Variants in BPIFA1 observed in about 807,000 individuals in gnomAD.
BPIFA1 encodes the protein BPI fold-containing family A member 1.
A neutral mutation model predicts 25.1 loss-of-function variants in BPIFA1; 24 were observed. The ratio of observed to expected loss-of-function variants is 0.96; its 90% CI spans 0.69 to 1.35. The LOEUF (loss-of-function observed/expected upper bound fraction) is 1.35. BPIFA1 is among the 40% of genes most tolerant of loss of function. The pLI is 0.00. For missense variants in BPIFA1, 344 were observed against 303.7 expected (o/e 1.13, Z -0.99); for synonymous variants, 139 against 131.8 (o/e 1.05, Z -0.37).
At chr20:33,240,524 G>A (rs999683740) in intron 5 of BPIFA1, 139 bp downstream of exon 5, 23 of 1,039,816 alleles carry the variant, frequency 2.2e-5, no homozygotes, top group South Asian at 6.3e-5. Flanking sequence ...AGGAGGGAGC[G>A]TGGAAAGATG....
In BPIFA1 at chr20:33,240,255, T is replaced by C. The variant is rs750288922; in HGVS notation, c.451T>C (p.Leu151=). The C allele has an allele frequency of 1.2e-6, 2 of 1,614,128 alleles. No individual in the cohort carries two copies. Among genetic ancestry groups the C allele is most frequent in the Admixed American group, 1.7e-5 (1 of 60,022 alleles). The stretch of plus-strand genomic sequence containing the variant: ...CAGGCCCCTGGTCGGTGCAAGTCTG[T>C]TGAGGCTGGCTGTGAAGCTGGACAT... ...VNTPLVGASL[L]RLAVKLDITA... is the part of the protein sequence containing the mutation. The change falls in exon 5 of 9, where the codon TTG becomes CTG. Residue 151 remains leucine, a synonymous_variant. Transcript: ENST00000354297.
At chr20:33,242,226 A>T in intron 7 of BPIFA1, 107 bp downstream of exon 7, 1 of 1,212,470 alleles carries the variant, frequency 8.2e-7, no homozygotes, top group Non-Finnish European at 1.2e-6. Context: ...TCTGGCCTCA[A>T]CTCTCTCTAT....
chr20:33,240,591 G>C (rs1978918046), intron 5 of BPIFA1, among the ~76,000 whole-genome samples: 1 of 151,866 alleles, frequency 6.6e-6, no homozygotes, highest in Non-Finnish European at 1.5e-5. Context: ...CAGATGGTTA[G>C]ATGGTTGGGT....
At chr20:33,242,363 T>A (rs1600642782) in intron 7 of BPIFA1, 124 bp from the exon 8 acceptor site, 2 of 1,246,606 alleles carry the variant, frequency 1.6e-6, no homozygotes, top group African/African-American at 3.0e-5. Context: ...CCTCCAAGCA[T>A]GCTGAACACA....
At chr20:33,237,420 T>C (rs183694430) in intron 1 of BPIFA1, among the ~76,000 whole-genome samples, 1 of 152,130 alleles carries the variant, frequency 6.6e-6, no homozygotes, top group East Asian at 1.9e-4. Flanking sequence ...TGTGGTGGAG[T>C]GGGGCTGTCT....
rs1466774084 is a variant in BPIFA1, at chr20:33,242,231, C to G, written c.730+112C>G. 3.4e-6 allele frequency: 4 copies of G among 1,185,002 alleles called. No homozygotes were observed. In the Admixed American group the frequency reaches 7.5e-5, roughly 22 times the overall value. 73.4% of individuals were successfully genotyped at this position (1,185,002 alleles called of 1,614,324 possible). A position where few individuals can be genotyped will look rare whatever the true frequency, so the allele number is the denominator to read the frequency against. On this transcript the variant is annotated intron_variant, in intron 7 of 8. Coordinates refer to ENST00000354297, the MANE Select transcript of BPIFA1 (RefSeq NM_130852.3). ...ACTAGGTCCCTCTGGCCTCAACTCT[C>G]TCTATTTTGGGCTTCATTTTCCCCC...
Position 33,241,329 on chromosome 20 carries a change from A to G in BPIFA1, c.582-56A>G. 5 of 1,515,948 alleles carry G rather than the reference A, an allele frequency of 3.3e-6. No homozygotes were observed. The South Asian group carries it at 5.6e-5, about 17-fold the overall frequency. The allele number at this position is 1,515,948 out of a possible 1,614,324, so 93.9% of individuals were successfully genotyped here. A position where few individuals can be genotyped will look rare whatever the true frequency, so the allele number is the denominator to read the frequency against. On this transcript the variant is annotated intron_variant, in intron 5 of 8. Coordinates refer to ENST00000354297, the MANE Select transcript of BPIFA1 (RefSeq NM_130852.3). ...TGGGGTTCACAGTGGCCCCCTCTGG[A>G]GACTTCTCCACACCATCTCCAGGTC...
chr20:33,239,988 G>A (rs924415963), intron 4 of BPIFA1, 78 bp downstream of exon 4: 2 of 1,474,992 alleles, frequency 1.4e-6, no homozygotes, highest in Admixed American at 1.7e-5. Flanking sequence ...CATAACGGGG[G>A]TATTGGAGTC....
At chr20:33,240,530 A>AGATG (rs10677320) in intron 5 of BPIFA1, 145 bp downstream of exon 5, 164,020 of 748,066 alleles carry the variant, frequency 0.22, 22,465 homozygotes, top group Admixed American at 0.32. Flanking sequence ...GAGCGTGGAA[A>AGATG]GATGGATGGA....
At position 33,237,711 on chromosome 20, in the gene BPIFA1, G is replaced by C. The variant is rs768913833; in HGVS notation, c.-1G>C. 1 of 1,459,916 alleles carries C rather than the reference G, an allele frequency of 6.8e-7. No individual in the cohort carries two copies. Among genetic ancestry groups the C allele is most frequent in the South Asian group, 1.6e-5 (1 of 63,510 alleles). The allele number at this position is 1,459,916 out of a possible 1,614,324, so 90.4% of individuals were successfully genotyped here. A position where few individuals can be genotyped will look rare whatever the true frequency, so the allele number is the denominator to read the frequency against. On this transcript the variant is annotated 5_prime_UTR_variant, in exon 2 of 9. Transcript: ENST00000354297. ...TCTGGCCACAGATACTAAGAGCAAA[G>C]ATGTTTCAAACTGGGGGCCTCATTG...
Position 33,241,493 on chromosome 20 carries a change from C to A in BPIFA1, c.666+24C>A, listed in dbSNP as rs200092852. The A allele has an allele frequency of 3.5e-5, 56 of 1,584,930 alleles. No individual in the cohort carries two copies. The East Asian group carries it at 5.4e-4, about 15-fold the overall frequency. On this transcript the variant is annotated intron_variant, in intron 6 of 8. Coordinates refer to ENST00000354297, the MANE Select transcript of BPIFA1 (RefSeq NM_130852.3). ...ACGTAAGTAGGCAAGGTGGGGATCCCCTGATCCTCAGGTTTTAGAGCTTCT... is the reference window on the plus strand; with the variant it reads ...ACGTAAGTAGGCAAGGTGGGGATCCACTGATCCTCAGGTTTTAGAGCTTCT...
chr20:33,239,498 G>A (rs1978852213), intron 3 of BPIFA1, among the ~76,000 whole-genome samples: 1 of 152,184 alleles, frequency 6.6e-6, no homozygotes, highest in African/African-American at 2.4e-5. Context: ...TTCTTTGTAA[G>A]GCTCTTAGCT....
chr20:33,239,991 T>C, intron 4 of BPIFA1, 81 bp downstream of exon 4: 5 of 1,471,620 alleles, frequency 3.4e-6, no homozygotes, highest in Non-Finnish European at 4.7e-6. Flanking sequence ...AACGGGGGTA[T>C]TGGAGTCTAA....
intron 3 of BPIFA1, 42 bp downstream of exon 3, chr20:33,238,256 C>T: frequency 1.3e-6 from 2 of 1,571,022 alleles, no homozygotes; most frequent in Non-Finnish European, 1.7e-6. Context: ...CACCAGGGAA[C>T]CCCAGGTGAA....
At chr20:33,238,348 A>G in intron 3 of BPIFA1, 134 bp downstream of exon 3, 1 of 1,069,792 alleles carries the variant, frequency 9.3e-7, no homozygotes, top group Non-Finnish European at 1.3e-6. Context: ...GCCAGGACTC[A>G]GTTCTGAGAC....
chr20:33,238,027 C>T (rs556710653), intron 2 of BPIFA1, 28 bp from the exon 3 acceptor site: 1 of 1,598,236 alleles, frequency 6.3e-7, no homozygotes, highest in African/African-American at 1.3e-5. Context: ...CAGATCTGAC[C>T]CCCAGAGACC....
In BPIFA1 at chr20:33,237,891, T is replaced by C; in HGVS notation, c.160+20T>C. ...CAAATGGTGAGTTTTCAGGGGTGTA[T>C]GTGTGCATGTGTGTGTGTGTGTGTG... On this transcript the variant is annotated intron_variant, in intron 2 of 8. Transcript: ENST00000354297. 2 of 1,515,608 alleles carry C rather than the reference T, an allele frequency of 1.3e-6. No individual in the cohort carries two copies. The allele number at this position is 1,515,608 out of a possible 1,614,324, so 93.9% of individuals were successfully genotyped here. A position where few individuals can be genotyped will look rare whatever the true frequency, so the allele number is the denominator to read the frequency against.
Position 33,239,843 on chromosome 20 carries a change from G to T in BPIFA1, c.361G>T (p.Val121Leu). The T allele has an allele frequency of 6.2e-7, 1 of 1,614,212 alleles. No homozygotes were observed. Among genetic ancestry groups the T allele is most frequent in the South Asian group, 1.1e-5 (1 of 91,082 alleles). The change falls in exon 4 of 9, where the codon GTG (valine) becomes TTG (leucine). Residue 121 changes from valine (V) to leucine (L), a missense_variant. Physicochemically the swap from Val to Leu is conservative, Grantham distance 32 (BLOSUM62 1). Coordinates refer to ENST00000354297, the MANE Select transcript of BPIFA1 (RefSeq NM_130852.3). ...TDPQLLELGLVQSPDGHRLYV... is the reference protein window; with the variant it reads ...TDPQLLELGLLQSPDGHRLYV... Reference sequence around the variant, plus strand: ...CCCCCAGCTGCTGGAACTTGGCCTTGTGCAGAGCCCTGATGGCCACCGTCT... The same window carrying T: ...CCCCCAGCTGCTGGAACTTGGCCTTTTGCAGAGCCCTGATGGCCACCGTCT...
In BPIFA1 at chr20:33,237,678, C is replaced by A. The variant is rs111799330; in HGVS notation, c.-15-19C>A. 6.0e-5 allele frequency: 84 copies of A among 1,411,644 alleles called. No homozygotes were observed. The African/African-American group carries it at 7.3e-4, about 12-fold the overall frequency. 87.4% of individuals were successfully genotyped at this position (1,411,644 alleles called of 1,614,324 possible). On this transcript the variant is annotated intron_variant, in intron 1 of 8. Transcript: ENST00000354297. Reference sequence around the variant, plus strand: ...TCTCTGATACCCATGCCATGTTGGACTTGTCATTCTGGCCACAGATACTAA... The same window carrying A: ...TCTCTGATACCCATGCCATGTTGGAATTGTCATTCTGGCCACAGATACTAA...
Sources: allele counts gnomAD v4.1 joint callset (sites outside exome capture counted in the v4.1 genomes callset), GRCh38; gene constraint gnomAD v4.1.1; transcripts MANE v1.5; gene names NCBI Gene and HGNC (gene_info 2026-07-23, HGNC 2026-07-21).